The following TBPL1 variants were observed in gnomAD, a reference collection of about 807,000 sequenced individuals.
The protein encoded by TBPL1 is TATA-box binding protein like 1.
In TBPL1, 4 loss-of-function variants were observed where a neutral mutation model predicts 22.1. That is an observed-to-expected ratio of 0.18 (90% CI 0.09 to 0.41). TBPL1 has a LOEUF of 0.41. TBPL1 is among the 10% of genes least tolerant of loss of function. The probability of loss-of-function intolerance (pLI) is 1.00; values close to 1 mark genes in which losing one functional copy is unlikely to be tolerated. For missense variants in TBPL1, 115 were observed against 222.3 expected, an observed-to-expected ratio of 0.52 and a Z score of 3.07; for synonymous variants, 64 against 71.0, an observed-to-expected ratio of 0.90 and a Z score of 0.50.
intron 1 of TBPL1, among the ~76,000 whole-genome samples, chr6:133,954,064 A>G (rs1413493639): frequency 1.3e-5 from 2 of 152,238 alleles, no homozygotes; most frequent in African/African-American, 4.8e-5. Flanking sequence ...AAAATAGCCA[A>G]TAAAAGCCCT....
At chr6:133,973,127 GAC>G (rs1333780484) in intron 1 of TBPL1, among the ~76,000 whole-genome samples, 3 of 152,210 alleles carry the variant, frequency 2.0e-5, no homozygotes, top group Non-Finnish European at 2.9e-5. Context: ...TTGGGATTGG[GAC>G]ACAAAATGTC....
At chr6:133,979,989 T>C in intron 1 of TBPL1, 93 bp from the exon 2 acceptor site, 2 of 967,452 alleles carry the variant, frequency 2.1e-6, no homozygotes, top group Non-Finnish European at 2.8e-6. Flanking sequence ...AAATAAATAA[T>C]ATAGATTCAT....
intron 4 of TBPL1, among the ~76,000 whole-genome samples, chr6:133,983,364 G>A (rs752550641): frequency 1.1e-4 from 17 of 152,102 alleles, no homozygotes; most frequent in Admixed American, 3.3e-4. Context: ...TACATATTAT[G>A]GACTTGCTAG....
intron 1 of TBPL1, among the ~76,000 whole-genome samples, chr6:133,962,439 AGAG>A (rs1300727634): frequency 2.0e-5 from 3 of 152,354 alleles, no homozygotes; most frequent in East Asian, 1.9e-4. Flanking sequence ...TTAACTGAGC[AGAG>A]GAGAAGAATG....
In TBPL1 at chr6:133,988,404, T is replaced by G. The variant is rs1004918801; in HGVS notation, c.*1364T>G. 1 of 152,206 alleles carries G rather than the reference T, an allele frequency of 6.6e-6. No homozygotes were observed. Among genetic ancestry groups the G allele is most frequent in the East Asian group, 1.9e-4 (1 of 5,200 alleles). The allele number at this position is 152,206 out of a possible 1,614,324, so 9.4% of individuals were successfully genotyped here. A position where few individuals can be genotyped will look rare whatever the true frequency, so the allele number is the denominator to read the frequency against. The stretch of plus-strand genomic sequence containing the variant: ...AAATAAAGCTGAGTGGAGAGTCCAA[T>G]TAGCTTCTCAGGAGAAACTTAATGG... On this transcript the variant is annotated 3_prime_UTR_variant, in exon 7 of 7. Coordinates refer to ENST00000237264, the MANE Select transcript of TBPL1 (RefSeq NM_004865.4).
intron 1 of TBPL1, among the ~76,000 whole-genome samples, chr6:133,960,141 G>A (rs1366158078): frequency 6.6e-6 from 1 of 152,150 alleles, no homozygotes; most frequent in Non-Finnish European, 1.5e-5. Flanking sequence ...ATTGCTTGTG[G>A]GTTGACCTCC....
intron 2 of TBPL1, among the ~76,000 whole-genome samples, chr6:133,981,161 C>T (rs1368958284): frequency 1.3e-5 from 2 of 151,808 alleles, no homozygotes; most frequent in Non-Finnish European, 2.9e-5. Flanking sequence ...TTAGTAGAGA[C>T]GGGGTTTCAC....
At chr6:133,981,455 CAT>C (rs1776411708) in intron 2 of TBPL1, among the ~76,000 whole-genome samples, 1 of 152,048 alleles carries the variant, frequency 6.6e-6, no homozygotes, top group South Asian at 2.1e-4. Context: ...TTCAGCATGA[CAT>C]ATGGAAAGGA....
In TBPL1 at chr6:133,963,724, G is replaced by C. The variant is rs139987362; in HGVS notation, c.-45+10299G>C. 4.4e-3 allele frequency among the ~76,000 whole-genome samples: 669 copies of C among 151,792 alleles called. 6 individuals are homozygous for C. The highest frequency in any genetic ancestry group is 8.2e-3 in the Non-Finnish European group (559 of 67,914). ...GCATGAGTCCACCAGGCCTGTCCTT[G>C]TCTTTTTCTTGATCGTTAAGAACCG... is the stretch of plus-strand genomic sequence containing the variant. On this transcript the variant is annotated intron_variant, in intron 1 of 6. Coordinates refer to ENST00000237264, the MANE Select transcript of TBPL1 (RefSeq NM_004865.4).
chr6:133,987,049 T>C lies in TBPL1; in HGVS notation c.*9T>C, dbSNP rs11553666. 6.2e-7 allele frequency: 1 copy of C among 1,601,868 alleles called. No homozygotes were observed. The highest frequency in any genetic ancestry group is 2.2e-5 in the East Asian group (1 of 44,680). ...GGAAAGAAATTTTATAATTCACCAC[T>C]TAATTGGTTAGAATCTCTAACTGAG... On this transcript the variant is annotated 3_prime_UTR_variant, in exon 7 of 7. Coordinates refer to ENST00000237264, the MANE Select transcript of TBPL1 (RefSeq NM_004865.4).
At chr6:133,963,946 C>A (rs1299493730) in intron 1 of TBPL1, among the ~76,000 whole-genome samples, 1 of 151,220 alleles carries the variant, frequency 6.6e-6, no homozygotes, top group African/African-American at 2.4e-5. Flanking sequence ...GAGGCTGAGG[C>A]GGGAGAATGG....
At chr6:133,958,361 C>T (rs1264217436) in intron 1 of TBPL1, among the ~76,000 whole-genome samples, 1 of 152,164 alleles carries the variant, frequency 6.6e-6, no homozygotes, top group African/African-American at 2.4e-5. Flanking sequence ...GTGTTGTGAG[C>T]TTTCTGTGCC....
chr6:133,984,943 C>A (rs925104710), intron 6 of TBPL1, among the ~76,000 whole-genome samples: 4 of 151,734 alleles, frequency 2.6e-5, no homozygotes, highest in Non-Finnish European at 5.9e-5. Flanking sequence ...GTAGATCATT[C>A]GTTCTTATTG....
In TBPL1 at chr6:133,984,703, A is replaced by G. The variant is rs150444076; in HGVS notation, c.481+32A>G. On this transcript the variant is annotated intron_variant, in intron 6 of 6. Transcript: ENST00000237264. ...TATGATATTGAAACCACACTTATCA[A>G]TTATGGATTGAATGATACAAGATGC... 289 of 1,519,078 alleles carry G rather than the reference A, an allele frequency of 1.9e-4. No individual in the cohort carries two copies. The East Asian group carries it at 6.0e-3, about 32-fold the overall frequency. The allele number at this position is 1,519,078 out of a possible 1,614,324, so 94.1% of individuals were successfully genotyped here. A position where few individuals can be genotyped will look rare whatever the true frequency, so the allele number is the denominator to read the frequency against.
chr6:133,987,624 TTGTGTGTGTG>T lies in TBPL1; in HGVS notation c.*600_*609del, dbSNP rs35068923. 2 of 139,824 alleles carry T rather than the reference TTGTGTGTGTG, an allele frequency of 1.4e-5. No individual in the cohort carries two copies. Among genetic ancestry groups the T allele is most frequent in the African/African-American group, 2.6e-5 (1 of 38,020 alleles). 8.7% of individuals were successfully genotyped at this position (139,824 alleles called of 1,614,324 possible). ...TGTTGGCTTCTTTTTGAAGTGTATT[TTGTGTGTGTG>T]TGTGTGTGTGTGTGTATATATATAT... On this transcript the variant is annotated 3_prime_UTR_variant, in exon 7 of 7. Transcript: ENST00000237264.
chr6:133,973,967 A>G (rs1306246603), intron 1 of TBPL1, among the ~76,000 whole-genome samples: 1 of 149,062 alleles, frequency 6.7e-6, no homozygotes. Flanking sequence ...ATATATATAT[A>G]TATTTGTTTT....
At chr6:133,975,176 A>G (rs1776292357) in intron 1 of TBPL1, among the ~76,000 whole-genome samples, 2 of 152,174 alleles carry the variant, frequency 1.3e-5, no homozygotes, top group African/African-American at 2.4e-5. Flanking sequence ...AAAAAAAGCA[A>G]GATTGACGAG....
At chr6:133,955,077 T>C (rs777117353) in intron 1 of TBPL1, among the ~76,000 whole-genome samples, 14 of 152,026 alleles carry the variant, frequency 9.2e-5, no homozygotes, top group Non-Finnish European at 1.5e-4. Context: ...AATCAAAGAC[T>C]GTTGCTTAAT....
chr6:133,972,584 C>T (rs1776242853), intron 1 of TBPL1, among the ~76,000 whole-genome samples: 1 of 152,186 alleles, frequency 6.6e-6, no homozygotes, highest in Non-Finnish European at 1.5e-5. Context: ...TGGAAACACA[C>T]GGGCATGGCT....
Sources: allele counts gnomAD v4.1 joint callset (sites outside exome capture counted in the v4.1 genomes callset), GRCh38; gene constraint gnomAD v4.1.1; transcripts MANE v1.5; gene names NCBI Gene and HGNC (gene_info 2026-07-23, HGNC 2026-07-21).